Variants in NRXN1 observed in about 807,000 individuals in gnomAD.
NRXN1 encodes the protein neurexin 1, also known as neurexin-1.
In NRXN1, 39 loss-of-function variants were observed where a neutral mutation model predicts 150.9. The observed-to-expected ratio is 0.26, with a 90% CI of 0.20 to 0.34. The LOEUF (loss-of-function observed/expected upper bound fraction) is 0.34, where lower values mean the gene tolerates loss of function less well. Among genes scored for constraint, NRXN1 ranks in the 10% least tolerant of loss-of-function variants. NRXN1 has a pLI of 1.00. For synonymous variants in NRXN1, 924 were observed against 757.0 expected (o/e 1.22, Z -3.62); for missense variants, 1,815 against 1,949.9 (o/e 0.93, Z 1.30).
At chr2:50,335,574 G>A (rs1485474449) in intron 17 of NRXN1, among the ~76,000 whole-genome samples, 2 of 152,046 alleles carry the variant, frequency 1.3e-5, no homozygotes, top group Non-Finnish European at 2.9e-5. Context: ...CTAAAGGAAT[G>A]TTCTAAGAGA....
At chr2:50,879,040 A>G (rs758691519) in intron 5 of NRXN1, among the ~76,000 whole-genome samples, 12 of 151,928 alleles carry the variant, frequency 7.9e-5, no homozygotes, top group Non-Finnish European at 1.8e-4. Context: ...GATGTTGTAA[A>G]GGTACCCTGT....
At chr2:50,918,860 A>G in intron 5 of NRXN1, 1 of 217,604 alleles carries the variant, frequency 4.6e-6, no homozygotes, top group African/African-American at 2.3e-5. Flanking sequence ...TGTGATCCAA[A>G]TTTCATGAAG....
chr2:50,479,301 A>G (rs2090248053), intron 15 of NRXN1, among the ~76,000 whole-genome samples: 1 of 152,172 alleles, frequency 6.6e-6, no homozygotes, highest in African/African-American at 2.4e-5. Context: ...TACTTCCAGC[A>G]TGAATGCCTT....
intron 21 of NRXN1, among the ~76,000 whole-genome samples, chr2:49,978,059 G>A (rs1679297015): frequency 6.6e-6 from 1 of 152,066 alleles, no homozygotes. Flanking sequence ...CTACTTGGGA[G>A]GCAGAGCCAG....
rs1019317678 is a variant in NRXN1, at chr2:50,872,373, G to A, written c.832+49496C>T. Among the ~76,000 whole-genome samples, 7 of 151,724 alleles carry A rather than the reference G, an allele frequency of 4.6e-5. No homozygotes were observed. The South Asian group carries it at 8.3e-4, about 18-fold the overall frequency. ...TGCAGATATACGTTGTTGAGCTGAG[G>A]GTTGAGGAGTGTGGAGTACTTGCAG... On this transcript the variant is annotated intron_variant, in intron 5 of 22. Coordinates refer to ENST00000401669, the MANE Select transcript of NRXN1 (RefSeq NM_001330078.2).
At chr2:50,601,280 C>T (rs562925929) in intron 8 of NRXN1, among the ~76,000 whole-genome samples, 171 of 151,914 alleles carry the variant, frequency 1.1e-3, no homozygotes, top group Non-Finnish European at 2.0e-3. Flanking sequence ...TGTGAAGATC[C>T]CATGTGTTTC....
chr2:50,834,854 G>A (rs938825888), intron 5 of NRXN1, among the ~76,000 whole-genome samples: 1 of 152,048 alleles, frequency 6.6e-6, no homozygotes, highest in Non-Finnish European at 1.5e-5. Flanking sequence ...CTTAGTGCAC[G>A]CCTTTAGAAA....
chr2:50,685,056 A>G (rs1691015673), intron 5 of NRXN1, among the ~76,000 whole-genome samples: 1 of 152,244 alleles, frequency 6.6e-6, no homozygotes, highest in Non-Finnish European at 1.5e-5. Context: ...ACATTATTAT[A>G]AATTCAATTT....
chr2:50,993,005 T>C (rs569959054), intron 2 of NRXN1, among the ~76,000 whole-genome samples: 1 of 151,954 alleles, frequency 6.6e-6, no homozygotes, highest in Non-Finnish European at 1.5e-5. Context: ...GACTAAGCCA[T>C]CTCTAGTGAC....
At chr2:50,656,441 C>G (rs2104601729) in intron 5 of NRXN1, 1 of 762,986 alleles carries the variant, frequency 1.3e-6, no homozygotes, top group Non-Finnish European at 2.4e-6. Context: ...CTAGAAGTAT[C>G]AAGTTTCTAG....
chr2:50,294,704 C>T (rs2073356387), intron 17 of NRXN1, among the ~76,000 whole-genome samples: 3 of 152,122 alleles, frequency 2.0e-5, no homozygotes, highest in African/African-American at 2.4e-5. Flanking sequence ...GTACATCCTG[C>T]CTTGTTGGGA....
intron 5 of NRXN1, among the ~76,000 whole-genome samples, chr2:50,727,758 T>C (rs1315655574): frequency 6.6e-6 from 1 of 152,108 alleles, no homozygotes; most frequent in African/African-American, 2.4e-5. Flanking sequence ...AGATCTTGGC[T>C]CCACTGTCAG....
Position 50,934,573 on chromosome 2 carries a change from C to T in NRXN1, c.773-8618G>A, listed in dbSNP as rs893730899. ...TGTAGCCACTGGCTACCAGGCTGGA[C>T]AGCACAAATTGTGAAGCTTTCAGTC... On this transcript the variant is annotated intron_variant, in intron 2 of 22. Transcript: ENST00000401669. Among the ~76,000 whole-genome samples the T allele has an allele frequency of 2.0e-5, 3 of 152,246 alleles. No homozygotes were observed. In the South Asian group the frequency reaches 6.2e-4, roughly 32 times the overall value.
chr2:50,326,536 A>T (rs2076395179), intron 17 of NRXN1, among the ~76,000 whole-genome samples: 1 of 152,162 alleles, frequency 6.6e-6, no homozygotes, highest in Admixed American at 6.5e-5. Flanking sequence ...GAAATACCAA[A>T]GGGGCAGGTA....
chr2:50,818,955 AAGG>A (rs1382423314), intron 5 of NRXN1, among the ~76,000 whole-genome samples: 1 of 152,044 alleles, frequency 6.6e-6, no homozygotes, highest in African/African-American at 2.4e-5. Context: ...TCAAAACCAC[AAGG>A]AGGAGGGAAA....
chr2:50,296,917 C>G (rs1486554344), intron 17 of NRXN1, among the ~76,000 whole-genome samples: 32 of 132,172 alleles, frequency 2.4e-4, no homozygotes, highest in African/African-American at 7.6e-4. Context: ...GAGTCTCGCT[C>G]TTTCATCCAG....
intron 19 of NRXN1, among the ~76,000 whole-genome samples, chr2:50,075,035 C>T (rs1164524093): frequency 2.0e-5 from 3 of 152,152 alleles, no homozygotes; most frequent in Non-Finnish European, 4.4e-5. Context: ...TTTCCTATTG[C>T]AAGGGCAAGA....
intron 5 of NRXN1, among the ~76,000 whole-genome samples, chr2:50,732,857 G>T (rs1698269805): frequency 1.3e-5 from 2 of 152,166 alleles, no homozygotes; most frequent in Non-Finnish European, 2.9e-5. Flanking sequence ...TAGAGGCAGT[G>T]AAGCTGAATG....
intron 5 of NRXN1, among the ~76,000 whole-genome samples, chr2:50,738,889 A>G (rs1019662527): frequency 1.3e-5 from 2 of 152,168 alleles, no homozygotes; most frequent in African/African-American, 4.8e-5. Context: ...CTGGATGCAT[A>G]GCAAGAAGAG....
Sources: gnomAD v4.1 joint callset for allele counts (sites outside exome capture counted in the v4.1 genomes callset) on GRCh38, gnomAD v4.1.1 for gene constraint, MANE v1.5 for transcripts, NCBI Gene and HGNC (gene_info 2026-07-23, HGNC 2026-07-21) for gene names.